Variants in RPGRIP1L observed in about 807,000 individuals in gnomAD.
RPGRIP1L encodes the protein protein fantom.
RPGRIP1L carries 131 observed loss-of-function variants against 160.4 expected under a neutral mutation model. The ratio of observed to expected loss-of-function variants is 0.82; its 90% CI spans 0.71 to 0.94. RPGRIP1L has a LOEUF of 0.94. RPGRIP1L is among the 40% of genes least tolerant of loss of function. RPGRIP1L has a pLI of 0.00. For missense variants in RPGRIP1L, 1,522 were observed against 1,535.8 expected, an observed-to-expected ratio of 0.99 and a Z score of 0.15; for synonymous variants, 510 against 515.8, an observed-to-expected ratio of 0.99 and a Z score of 0.15.
At chr16:53,654,089 G>A (rs749268349) in intron 14 of RPGRIP1L, among the ~76,000 whole-genome samples, 7 of 152,046 alleles carry the variant, frequency 4.6e-5, no homozygotes, top group Non-Finnish European at 8.8e-5. Flanking sequence ...TCAGCCTCCC[G>A]AGTAGCTGGG....
chr16:53,702,963 A>G (rs1035218303), intron 1 of RPGRIP1L, among the ~76,000 whole-genome samples: 2 of 152,248 alleles, frequency 1.3e-5, no homozygotes, highest in Non-Finnish European at 2.9e-5. Context: ...GGTGGGAACC[A>G]ACATTAATAT....
At chr16:53,698,552 G>GC (rs1209019645) in intron 2 of RPGRIP1L, among the ~76,000 whole-genome samples, 3 of 141,950 alleles carry the variant, frequency 2.1e-5, no homozygotes, top group Non-Finnish European at 4.6e-5. Flanking sequence ...GGAGGGGTCA[G>GC]CCCCCCGCCC....
chr16:53,662,632 G>GT (rs1247299302), intron 10 of RPGRIP1L, among the ~76,000 whole-genome samples: 1 of 151,884 alleles, frequency 6.6e-6, no homozygotes, highest in East Asian at 1.9e-4. Flanking sequence ...GACAGTTTCG[G>GT]TTTTTTTGTG....
rs1256265282 is a variant in RPGRIP1L, at chr16:53,598,361, A to T, written c.*3715T>A. On this transcript the variant is annotated 3_prime_UTR_variant, in exon 27 of 27. Transcript: ENST00000647211. ...ATTGCACTTCCAAAAGCCTGAAGGA[A>T]AAACATAGCTTGATATATTAGTGAA... 1 of 152,168 alleles carries T rather than the reference A, an allele frequency of 6.6e-6. No individual in the cohort carries two copies. Among genetic ancestry groups the T allele is most frequent in the East Asian group, 1.9e-4 (1 of 5,196 alleles). The allele number at this position is 152,168 out of a possible 1,614,324, so 9.4% of individuals were successfully genotyped here.
chr16:53,664,713 A>G (rs1305227221), intron 10 of RPGRIP1L, among the ~76,000 whole-genome samples, 157 bp downstream of exon 10: 2 of 152,206 alleles, frequency 1.3e-5, no homozygotes, highest in Non-Finnish European at 2.9e-5. Context: ...AGAAATTTTG[A>G]GCAACCACTG....
At chr16:53,639,649 T>C (rs1226234345) in intron 19 of RPGRIP1L, among the ~76,000 whole-genome samples, 1 of 152,138 alleles carries the variant, frequency 6.6e-6, no homozygotes, top group Admixed American at 6.6e-5. Flanking sequence ...CCAGTTCTAA[T>C]ACTTGGGCCA....
At chr16:53,618,747 G>C (rs975634156) in intron 24 of RPGRIP1L, among the ~76,000 whole-genome samples, 27 of 151,980 alleles carry the variant, frequency 1.8e-4, no homozygotes, top group Non-Finnish European at 3.8e-4. Flanking sequence ...AGGTTTTGCC[G>C]TGTAGCCCAG....
chr16:53,647,273 T>G (rs1966618571), intron 16 of RPGRIP1L, among the ~76,000 whole-genome samples: 1 of 152,224 alleles, frequency 6.6e-6, no homozygotes, highest in Admixed American at 6.5e-5. Flanking sequence ...AAACTAATTC[T>G]ATTTAGCAAA....
intron 17 of RPGRIP1L, 149 bp from the exon 18 acceptor site, chr16:53,641,624 T>C (rs1018993064): frequency 1.4e-6 from 1 of 721,206 alleles, no homozygotes; most frequent in Non-Finnish European, 2.3e-6. Context: ...TTAAAAATAA[T>C]TTTGGCTTTC....
At chr16:53,681,601 T>G (rs181721039) in intron 6 of RPGRIP1L, among the ~76,000 whole-genome samples, 8 of 152,262 alleles carry the variant, frequency 5.3e-5, no homozygotes, top group Admixed American at 3.3e-4. Context: ...AAATCACAAC[T>G]CACTCTCCCA....
At chr16:53,663,367 T>C (rs1967970839) in intron 10 of RPGRIP1L, among the ~76,000 whole-genome samples, 1 of 152,036 alleles carries the variant, frequency 6.6e-6, no homozygotes, top group Non-Finnish European at 1.5e-5. Context: ...TTTGCAAAGA[T>C]CAGTTCAGAT....
intron 2 of RPGRIP1L, among the ~76,000 whole-genome samples, chr16:53,698,211 A>C (rs1266520492): frequency 1.5e-5 from 2 of 135,356 alleles, no homozygotes; most frequent in African/African-American, 2.9e-5. Context: ...CCCGGCAGCC[A>C]CCCCGTCTGG....
At chr16:53,653,505 G>T in intron 14 of RPGRIP1L, 1 of 209,678 alleles carries the variant, frequency 4.8e-6, no homozygotes, top group Non-Finnish European at 8.3e-6. Context: ...TATCTGCCTT[G>T]CTTTTCTGTG....
chr16:53,676,453 C>T (rs1397697653), intron 6 of RPGRIP1L, among the ~76,000 whole-genome samples: 1 of 151,634 alleles, frequency 6.6e-6, no homozygotes, highest in Non-Finnish European at 1.5e-5. Context: ...TTCTTTTTTT[C>T]ATATTTAGAA....
At chr16:53,695,090 TTTA>T (rs1244974669) in intron 3 of RPGRIP1L, 2 of 465,288 alleles carry the variant, frequency 4.3e-6, no homozygotes, top group African/African-American at 3.9e-5. Flanking sequence ...TCAGTTGTTT[TTTA>T]TTTTCTGGCT....
At chr16:53,696,054 A>G in intron 3 of RPGRIP1L, 97 bp downstream of exon 3, 1 of 1,193,122 alleles carries the variant, frequency 8.4e-7, no homozygotes, top group Non-Finnish European at 1.2e-6. Flanking sequence ...TGTTCCAAAC[A>G]AGATTCAAGG....
intron 26 of RPGRIP1L, among the ~76,000 whole-genome samples, chr16:53,603,226 G>C (rs1441784516): frequency 6.6e-6 from 1 of 152,222 alleles, no homozygotes. Context: ...CAATACCTGA[G>C]ACTCCATCCC....
chr16:53,626,794 G>C (rs1468424338), intron 22 of RPGRIP1L, among the ~76,000 whole-genome samples: 1 of 137,082 alleles, frequency 7.3e-6, no homozygotes, highest in East Asian at 2.1e-4. Context: ...GACAGAGTGA[G>C]ACCCTGTCTC....
chr16:53,658,393 C>A (rs780189128), intron 12 of RPGRIP1L, 21 bp downstream of exon 12: 1 of 1,582,618 alleles, frequency 6.3e-7, no homozygotes, highest in African/African-American at 1.3e-5. Context: ...ATGAAAATCA[C>A]GATGAAGTTC....
Sources: allele counts gnomAD v4.1 joint callset (sites outside exome capture counted in the v4.1 genomes callset), GRCh38; gene constraint gnomAD v4.1.1; transcripts MANE v1.5; gene names NCBI Gene and HGNC (gene_info 2026-07-23, HGNC 2026-07-21).